Variants in IRF5 observed in about 807,000 individuals in gnomAD.
IRF5 encodes interferon regulatory factor 5.
In IRF5, 24 loss-of-function variants were observed where a neutral mutation model predicts 55.1. The ratio of observed to expected loss-of-function variants is 0.44; its 90% CI spans 0.32 to 0.61. The LOEUF (loss-of-function observed/expected upper bound fraction) is 0.61, where lower values mean the gene tolerates loss of function less well. Among genes scored for constraint, IRF5 ranks in the 20% least tolerant of loss-of-function variants. IRF5 has a pLI of 0.07. For missense variants in IRF5, 499 were observed against 658.5 expected (o/e 0.76, Z 2.65); for synonymous variants, 258 against 260.2 (o/e 0.99, Z 0.08).
In IRF5 at chr7:128,947,822, A is replaced by C. The variant is rs764619615; in HGVS notation, c.881A>C (p.Gln294Pro). 5 of 1,613,832 alleles carry C rather than the reference A, an allele frequency of 3.1e-6. No individual in the cohort carries two copies. The South Asian group carries it at 5.5e-5, about 18-fold the overall frequency. ...NPHGCRLFYS[Q>P]LEATQEQVEL... ...CATGGCTGCCGGCTCTTCTACAGCCAGCTGGAGGCCACCCAGGAGCAGGTG... is the reference window on the plus strand; with the variant it reads ...CATGGCTGCCGGCTCTTCTACAGCCCGCTGGAGGCCACCCAGGAGCAGGTG... The change falls in exon 7 of 9, where the codon CAG becomes CCG. Residue 294 changes from glutamine to proline, a missense_variant. This residue lies in a region of IRF5 where 194 missense variants were observed against 318.3 expected (regional missense o/e 0.61). Transcript: ENST00000357234. The surrounding 1 kb of genome is among the most constrained non-coding windows in gnomAD (Gnocchi z 6.5).
Position 128,948,600 on chromosome 7 carries a change from C to A in IRF5, c.1327C>A (p.Leu443Met). 1 of 1,614,126 alleles carries A rather than the reference C, an allele frequency of 6.2e-7. No homozygotes were observed. Among genetic ancestry groups the A allele is most frequent in the South Asian group, 1.1e-5 (1 of 91,090 alleles). The change falls in exon 9 of 9, where the codon CTG becomes ATG. Residue 443 changes from leucine to methionine, a missense_variant. By Grantham distance (15) the Leu-to-Met change is conservative. Coordinates refer to ENST00000357234, the MANE Select transcript of IRF5 (RefSeq NM_001098629.3). This position sits in a 1 kb window ranked among gnomAD's most constrained non-coding sequence, Gnocchi z 4.6. ...GGTGCCTGTAGCAGCTCGACTGCTG[C>A]TGGAGATGTTCTCAGGGGAGCTATC... ...QVVPVAARLL[L>M]EMFSGELSWS... is the part of the protein sequence containing the mutation.
rs1422330329 is a variant in IRF5 at position 128,948,531 on chromosome 7, C to T, written c.1300-42C>T. 2 of 1,608,512 alleles carry T rather than the reference C, an allele frequency of 1.2e-6. No individual in the cohort carries two copies. The highest frequency in any genetic ancestry group is 1.1e-5 in the South Asian group (1 of 90,736). On this transcript the variant is annotated intron_variant, in intron 8 of 8. Transcript: ENST00000357234. This position sits in a 1 kb window ranked among gnomAD's most constrained non-coding sequence, Gnocchi z 4.6. The stretch of plus-strand genomic sequence containing the variant: ...TCATGCACAGCTGGATCTGGCAGCC[C>T]TGCCACAGGTCTCCCTGTCTCATCT...
Position 128,942,288 on chromosome 7 carries a change from G to A in IRF5, c.195+12G>A. 1 of 1,601,984 alleles carries A rather than the reference G, an allele frequency of 6.2e-7. No individual in the cohort carries two copies. The highest frequency in any genetic ancestry group is 8.5e-7 in the Non-Finnish European group (1 of 1,172,272). Reference sequence around the variant, plus strand: ...ACACCATCTTCAAGGTAAGCCCCGGGGAGGAGGTTGGCTGGACCTCCAGGG... The same window carrying A: ...ACACCATCTTCAAGGTAAGCCCCGGAGAGGAGGTTGGCTGGACCTCCAGGG... On this transcript the variant is annotated intron_variant, in intron 2 of 8. Coordinates refer to ENST00000357234, the MANE Select transcript of IRF5 (RefSeq NM_001098629.3).
rs923347477 is a variant in IRF5 at position 128,948,440 on chromosome 7, C to T, written c.1299+112C>T. 4.2e-5 allele frequency: 61 copies of T among 1,460,230 alleles called. No individual in the cohort carries two copies. In the Admixed American group the frequency reaches 5.2e-4, roughly 12 times the overall value. The allele number at this position is 1,460,230 out of a possible 1,614,324, so 90.5% of individuals were successfully genotyped here. A position where few individuals can be genotyped will look rare whatever the true frequency, so the allele number is the denominator to read the frequency against. ...GGCTCCCTGAGCAGTGTGAACTTGG[C>T]GGCCAGAGACCATCAAGGCTCAGAG... On this transcript the variant is annotated intron_variant, in intron 8 of 8. Transcript: ENST00000357234. This position sits in a 1 kb window ranked among gnomAD's most constrained non-coding sequence, Gnocchi z 4.6.
chr7:128,945,746 GT>G, intron 2 of IRF5, 98 bp from the exon 3 acceptor site: 1 of 1,216,918 alleles, frequency 8.2e-7, no homozygotes, highest in South Asian at 1.5e-5. Flanking sequence ...TGTAGCCGAA[GT>G]TCTCCCCACA....
chr7:128,942,344 A>T (rs1796073230), intron 2 of IRF5, 68 bp downstream of exon 2: 3 of 1,426,528 alleles, frequency 2.1e-6, no homozygotes, highest in Non-Finnish European at 2.9e-6. Flanking sequence ...AGCGCACATA[A>T]CGCACACAGG....
rs61451031 is a variant in IRF5, at chr7:128,943,707, A to ATTTTTTT, written c.195+1460_195+1466dup. Among the ~76,000 whole-genome samples the ATTTTTTT allele has an allele frequency of 1.8e-3, 126 of 71,936 alleles. 2 individuals carry two copies. Among genetic ancestry groups the ATTTTTTT allele is most frequent in the African/African-American group, 4.7e-3 (68 of 14,462 alleles). 47.2% of individuals were successfully genotyped at this position (71,936 alleles called of 152,430 possible). On this transcript the variant is annotated intron_variant, in intron 2 of 8. Coordinates refer to ENST00000357234, the MANE Select transcript of IRF5 (RefSeq NM_001098629.3). Reference sequence around the variant, plus strand: ...AGGCACCTGCCACCATGCCCGGCTAATTTTTTTTTTTTTTTTTTTTTTTTT... The same window carrying ATTTTTTT: ...AGGCACCTGCCACCATGCCCGGCTAATTTTTTTTTTTTTTTTTTTTTTTTTTTTTTTT...
rs1796338787 is a variant in IRF5 at position 128,946,979 on chromosome 7, T to G, written c.448-44T>G. ...GGTCAGTGGAATAACCTGTCCTCCTTTCTCTCCCATCTCTTCCCTCCCTTG... is the reference window on the plus strand; with the variant it reads ...GGTCAGTGGAATAACCTGTCCTCCTGTCTCTCCCATCTCTTCCCTCCCTTG... On this transcript the variant is annotated intron_variant, in intron 4 of 8. Coordinates refer to ENST00000357234, the MANE Select transcript of IRF5 (RefSeq NM_001098629.3). This position sits in a 1 kb window ranked among gnomAD's most constrained non-coding sequence, Gnocchi z 4.2. 3.1e-6 allele frequency: 5 copies of G among 1,612,654 alleles called. No homozygotes were observed. Among genetic ancestry groups the G allele is most frequent in the Non-Finnish European group, 4.2e-6 (5 of 1,179,044 alleles).
At position 128,947,637 on chromosome 7, in the gene IRF5, G is replaced by C. The variant is rs1055057832; in HGVS notation, c.788-92G>C. On this transcript the variant is annotated intron_variant, in intron 6 of 8. Coordinates refer to ENST00000357234, the MANE Select transcript of IRF5 (RefSeq NM_001098629.3). The surrounding 1 kb of genome is among the most constrained non-coding windows in gnomAD (Gnocchi z 6.5). Reference sequence around the variant, plus strand: ...TGGACTCCCTTGGGTGGGAAAAGTGGGAGGGCGGATGGGGCTGGGCCTGGC... The same window carrying C: ...TGGACTCCCTTGGGTGGGAAAAGTGCGAGGGCGGATGGGGCTGGGCCTGGC... The C allele has an allele frequency of 4.0e-6, 6 of 1,507,200 alleles. No individual in the cohort carries two copies. The African/African-American group carries it at 8.3e-5, about 21-fold the overall frequency. 93.4% of individuals were successfully genotyped at this position (1,507,200 alleles called of 1,614,324 possible).
upstream of IRF5, among the ~76,000 whole-genome samples, chr7:128,937,271 T>C (rs112793185): frequency 7.0e-3 from 1,060 of 151,310 alleles, 14 homozygotes; most frequent in African/African-American, 0.025. Flanking sequence ...AGGAGGTGTG[T>C]GAAGGTGGAG....
chr7:128,941,084 G>A (rs1795992791), intron 1 of IRF5, among the ~76,000 whole-genome samples: 1 of 152,242 alleles, frequency 6.6e-6, no homozygotes, highest in Non-Finnish European at 1.5e-5. Flanking sequence ...GGTAAGGGGA[G>A]GAGAGGGACA....
Position 128,938,046 on chromosome 7 carries a change from A to G in IRF5, c.-15A>G, listed in dbSNP as rs1196194008. On this transcript the variant is annotated 5_prime_UTR_variant, in exon 1 of 9. Coordinates refer to ENST00000357234, the MANE Select transcript of IRF5 (RefSeq NM_001098629.3). The stretch of plus-strand genomic sequence containing the variant: ...GCGCAGCCACGCAGGCGCACCGCAG[A>G]CAGGTGGGTCCCGGCCGCCGCGCTC... 1 of 151,834 alleles carries G rather than the reference A, an allele frequency of 6.6e-6. No homozygotes were observed. Among genetic ancestry groups the G allele is most frequent in the Non-Finnish European group, 1.5e-5 (1 of 67,984 alleles). The allele number at this position is 151,834 out of a possible 1,614,324, so 9.4% of individuals were successfully genotyped here.
At position 128,948,396 on chromosome 7, in the gene IRF5, C is replaced by T. The variant is rs542360210; in HGVS notation, c.1299+68C>T. 9.4e-5 allele frequency: 140 copies of T among 1,483,164 alleles called. No individual in the cohort carries two copies. The African/African-American group carries it at 1.5e-3, about 16-fold the overall frequency. The allele number at this position is 1,483,164 out of a possible 1,614,324, so 91.9% of individuals were successfully genotyped here. A position where few individuals can be genotyped will look rare whatever the true frequency, so the allele number is the denominator to read the frequency against. ...GGGGAATCCTGGGGCTAGGCCCTTG[C>T]CCCAGGCTGGAGGCTCAGGGCTCCC... On this transcript the variant is annotated intron_variant, in intron 8 of 8. Transcript: ENST00000357234. This position sits in a 1 kb window ranked among gnomAD's most constrained non-coding sequence, Gnocchi z 4.6.
chr7:128,937,386 C>A (rs1391637893), upstream of IRF5, among the ~76,000 whole-genome samples: 1 of 152,154 alleles, frequency 6.6e-6, no homozygotes, highest in African/African-American at 2.4e-5. Context: ...CGCCGCTGCC[C>A]CTGGGATGAC....
intron 1 of IRF5, 198 bp downstream of exon 1, chr7:128,938,247 T>G (rs2004640): frequency 0.53 from 79,818 of 151,736 alleles, 21,339 homozygotes; most frequent in East Asian, 0.72. Flanking sequence ...CGAGCTCGGG[T>G]GGGTGCCTAC....
intron 1 of IRF5, among the ~76,000 whole-genome samples, chr7:128,938,979 AGGT>A (rs1342153288): frequency 1.1e-5 from 1 of 90,050 alleles, no homozygotes; most frequent in African/African-American, 4.3e-5. Flanking sequence ...CCGACTCTGG[AGGT>A]GGGGGTGGCT....
At position 128,948,030 on chromosome 7, in the gene IRF5, C is replaced by T. The variant is rs376132183; in HGVS notation, c.1089C>T (p.Ser363=). ...TGTGTCAGTGCAAGGTGTTCTGGAG[C>T]GGGCCTTGTGCCTCAGCCCATGACT... ...IRLCQCKVFW[S]GPCASAHDSC... is the part of the protein sequence containing the mutation. The change falls in exon 7 of 9, where the codon AGC becomes AGT. Residue 363 remains serine (S), a synonymous_variant. Transcript: ENST00000357234. The surrounding 1 kb of genome is among the most constrained non-coding windows in gnomAD (Gnocchi z 4.6). The T allele has an allele frequency of 1.4e-4, 226 of 1,614,182 alleles. No individual in the cohort carries two copies. The highest frequency in any genetic ancestry group is 3.3e-4 in the Middle Eastern group (2 of 6,062).
At chr7:128,942,342 T>C in intron 2 of IRF5, 66 bp downstream of exon 2, 1 of 1,439,466 alleles carries the variant, frequency 6.9e-7, no homozygotes, top group Non-Finnish European at 9.5e-7. Context: ...GGAGCGCACA[T>C]AACGCACACA....
chr7:128,942,366 G>C, intron 2 of IRF5, 90 bp downstream of exon 2: 5 of 1,214,836 alleles, frequency 4.1e-6, no homozygotes, highest in Non-Finnish European at 5.7e-6. Context: ...AGCTCCTCGA[G>C]GCTGGCCACC....
Sources: allele counts gnomAD v4.1 joint callset (sites outside exome capture counted in the v4.1 genomes callset), GRCh38; gene constraint gnomAD v4.1.1; regional missense constraint gnomAD v4.1.1; non-coding constraint Gnocchi (gnomAD v3.1); transcripts MANE v1.5; gene names NCBI Gene and HGNC (gene_info 2026-07-23, HGNC 2026-07-21).